OSBPL5: variants seen among roughly 807,000 people sequenced by gnomAD.
OSBPL5 encodes oxysterol-binding protein-related protein 5.
Under a neutral mutation model 111.2 loss-of-function variants are expected in OSBPL5, and 71 were observed. That is an observed-to-expected ratio of 0.64 (90% CI 0.53 to 0.78). The LOEUF is 0.78. Among genes scored for constraint, OSBPL5 ranks in the 30% least tolerant of loss-of-function variants. The pLI is 0.00. For missense variants in OSBPL5, 1,210 were observed against 1,189.3 expected, an observed-to-expected ratio of 1.02 and a Z score of -0.26; for synonymous variants, 549 against 513.9, an observed-to-expected ratio of 1.07 and a Z score of -0.93.
Position 3,120,405 on chromosome 11 carries a change from C to A in OSBPL5, c.606+16G>T, listed in dbSNP as rs760123356. 4 of 1,608,010 alleles carry A rather than the reference C, an allele frequency of 2.5e-6. No homozygotes were observed. The South Asian group carries it at 3.3e-5, about 13-fold the overall frequency. On this transcript the variant is annotated intron_variant, in intron 6 of 21. Coordinates refer to ENST00000263650, the MANE Select transcript of OSBPL5 (RefSeq NM_020896.4). ...CCTACGGGGCCTCTGTCTTCAACCC[C>A]ACCCCTCCGCAGCACCTTCACGGCC...
intron 14 of OSBPL5, among the ~76,000 whole-genome samples, chr11:3,098,023 A>G (rs192713051): frequency 0.021 from 3,175 of 152,212 alleles, 109 homozygotes; most frequent in African/African-American, 0.072. Context: ...AGCTGAGATC[A>G]TGCCATTGCA....
At chr11:3,136,298 C>G (rs1168661713) in intron 1 of OSBPL5, among the ~76,000 whole-genome samples, 1 of 152,258 alleles carries the variant, frequency 6.6e-6, no homozygotes, top group Admixed American at 6.5e-5. Context: ...CCCCCTGCCT[C>G]CCAGACGCTC....
intron 10 of OSBPL5, among the ~76,000 whole-genome samples, chr11:3,103,798 CTG>C (rs1857572127): frequency 2.2e-5 from 1 of 45,358 alleles, no homozygotes; most frequent in Non-Finnish European, 6.0e-5. Flanking sequence ...CTTCCTGCCT[CTG>C]CAGCCCTCTT....
chr11:3,138,600 C>T (rs958186177), intron 1 of OSBPL5, among the ~76,000 whole-genome samples: 2 of 152,232 alleles, frequency 1.3e-5, no homozygotes, highest in Non-Finnish European at 2.9e-5. Flanking sequence ...CACTCACTTC[C>T]AGAAAAGACG....
At position 3,089,930 on chromosome 11, in the gene OSBPL5, G is replaced by A. The variant is rs746291168; in HGVS notation, c.2417C>T (p.Pro806Leu). 6.4e-7 allele frequency: 1 copy of A among 1,558,370 alleles called. No homozygotes were observed. The highest frequency in any genetic ancestry group is 1.2e-5 in the South Asian group (1 of 84,638). ...DFVPGGESPC[P>L]RCRKEARRLQ... ...CCGCCGCGCCTCCTTCCTGCACCGAGGGCATGGGCTCTCACCGCCTGGGAC... is the reference window on the plus strand; with the variant it reads ...CCGCCGCGCCTCCTTCCTGCACCGAAGGCATGGGCTCTCACCGCCTGGGAC... The change falls in exon 21 of 22, where the codon CCT (proline) becomes CTT (leucine). Residue 806 changes from proline to leucine, a missense_variant. Transcript: ENST00000263650.
rs907431268 is a variant in OSBPL5, at chr11:3,102,206, G to T, written c.1402C>A (p.Arg468Ser). 1 of 1,607,524 alleles carries T rather than the reference G, an allele frequency of 6.2e-7. No homozygotes were observed. Among genetic ancestry groups the T allele is most frequent in the Admixed American group, 1.7e-5 (1 of 58,856 alleles). ...CCWFHPQTDS[R>S]TFYIAEQVSH... ...GCCTGCTCTGCTATGTAGAATGTGC[G>T]GCTGTCAGTCTGCGGGTGGAACCAG... Residue 468 changes from arginine to serine, a missense_variant, in exon 12 of 22, where the codon CGC becomes AGC. Coordinates refer to ENST00000263650, the MANE Select transcript of OSBPL5 (RefSeq NM_020896.4).
Position 3,103,795 on chromosome 11 carries a change from CCT to C in OSBPL5, c.1244+396_1244+397del, listed in dbSNP as rs1373434600. On this transcript the variant is annotated intron_variant, in intron 10 of 21. Transcript: ENST00000263650. ...TTCCAGCCTCTGCAGTCCCTTCCTG[CCT>C]CTGCAGCCCTCTTCCTGCCTGCGCA... Among the ~76,000 whole-genome samples, 9 of 40,808 alleles carry C rather than the reference CCT, an allele frequency of 2.2e-4. 1 individual carries two copies. Among genetic ancestry groups the C allele is most frequent in the South Asian group, 7.8e-4 (1 of 1,276 alleles). 26.8% of individuals were successfully genotyped at this position (40,808 alleles called of 152,430 possible). A position where few individuals can be genotyped will look rare whatever the true frequency, so the allele number is the denominator to read the frequency against.
intron 12 of OSBPL5, 63 bp from the exon 13 acceptor site, chr11:3,101,762 C>A: frequency 2.2e-6 from 3 of 1,358,904 alleles, no homozygotes; most frequent in Non-Finnish European, 3.1e-6. Flanking sequence ...GAAGCGAGAG[C>A]CCAGCTTCCC....
In OSBPL5 at chr11:3,141,318, G is replaced by C. The variant is rs986330415; in HGVS notation, c.-21-12149C>G. ...CCTGCTCACCCGGGAACACACCCTC[G>C]GGTCCAGCATCCTCCCTGTGACTCT... On this transcript the variant is annotated intron_variant, in intron 1 of 21. Coordinates refer to ENST00000263650, the MANE Select transcript of OSBPL5 (RefSeq NM_020896.4). This position sits in a 1 kb window ranked among gnomAD's most constrained non-coding sequence, Gnocchi z 6.5. Among the ~76,000 whole-genome samples the C allele has an allele frequency of 6.6e-6, 1 of 152,076 alleles. No individual in the cohort carries two copies. Among genetic ancestry groups the C allele is most frequent in the Non-Finnish European group, 1.5e-5 (1 of 68,010 alleles).
Position 3,104,233 on chromosome 11 carries a change from T to A in OSBPL5, c.1204A>T (p.Lys402Ter). The part of the protein sequence containing the change: ...FVLEPRSFLN[K>*]LSDYYYHADL... Reference sequence around the variant, plus strand: ...GCGTGGTAGTAGTAGTCGGAGAGCTTGTTCAGGAAGGAGCGCGGCTCCAGT... The same window carrying A: ...GCGTGGTAGTAGTAGTCGGAGAGCTAGTTCAGGAAGGAGCGCGGCTCCAGT... Residue 402 changes from lysine to a stop codon, truncating the protein, a stop_gained, in exon 10 of 22, where the codon AAG becomes TAG. Transcript: ENST00000263650. LOFTEE classifies it high-confidence loss of function. The surrounding 1 kb of genome is among the most constrained non-coding windows in gnomAD (Gnocchi z 5.0). The A allele has an allele frequency of 6.2e-7, 1 of 1,612,736 alleles. No individual in the cohort carries two copies. Among genetic ancestry groups the A allele is most frequent in the Non-Finnish European group, 8.5e-7 (1 of 1,179,072 alleles).
At position 3,140,013 on chromosome 11, in the gene OSBPL5, G is replaced by T. The variant is rs1846057514; in HGVS notation, c.-21-10844C>A. ...CTGCTCTGAGAAGCCAGCCTCACAAGATCATTCATCGCAAGCTCTGGGCCC... is the reference window on the plus strand; with the variant it reads ...CTGCTCTGAGAAGCCAGCCTCACAATATCATTCATCGCAAGCTCTGGGCCC... On this transcript the variant is annotated intron_variant, in intron 1 of 21. Coordinates refer to ENST00000263650, the MANE Select transcript of OSBPL5 (RefSeq NM_020896.4). The surrounding 1 kb of genome is among the most constrained non-coding windows in gnomAD (Gnocchi z 4.5). Among the ~76,000 whole-genome samples the T allele has an allele frequency of 6.6e-6, 1 of 152,246 alleles. No individual in the cohort carries two copies. The highest frequency in any genetic ancestry group is 2.4e-5 in the African/African-American group (1 of 41,472).
chr11:3,162,808 CTT>C lies in OSBPL5; in HGVS notation c.-22+2406_-22+2407del, dbSNP rs1847005716. Among the ~76,000 whole-genome samples, 1 of 152,074 alleles carries C rather than the reference CTT, an allele frequency of 6.6e-6. No homozygotes were observed. Among genetic ancestry groups the C allele is most frequent in the Non-Finnish European group, 1.5e-5 (1 of 68,030 alleles). ...TGGCATCGAGAACAATATTCTTTTC[CTT>C]TGTGCCGGTCACAAGCAGCATGAGG... On this transcript the variant is annotated intron_variant, in intron 1 of 21. Transcript: ENST00000263650. The surrounding 1 kb of genome is among the most constrained non-coding windows in gnomAD (Gnocchi z 8.1).
intron 14 of OSBPL5, among the ~76,000 whole-genome samples, chr11:3,095,199 G>T (rs897083090): frequency 6.6e-6 from 1 of 151,748 alleles, no homozygotes; most frequent in African/African-American, 2.4e-5. Context: ...CTCTGATGGG[G>T]GGAGGTCTCC....
At chr11:3,095,665 T>C (rs918773477) in intron 14 of OSBPL5, among the ~76,000 whole-genome samples, 1 of 151,190 alleles carries the variant, frequency 6.6e-6, no homozygotes, top group East Asian at 1.9e-4. Context: ...CCAGTCACCT[T>C]TGGAAGACAG....
At chr11:3,132,008 G>T (rs9971450) in intron 1 of OSBPL5, among the ~76,000 whole-genome samples, 4 of 6,018 alleles carry the variant, frequency 6.6e-4, no homozygotes, top group South Asian at 4.0e-3. Context: ...CTCCCTTTCA[G>T]GCATCCATCC....
intron 13 of OSBPL5, 35 bp from the exon 14 acceptor site, chr11:3,100,291 C>A: frequency 1.3e-6 from 2 of 1,597,026 alleles, no homozygotes; most frequent in Non-Finnish European, 1.7e-6. Context: ...CCAGTGAGTG[C>A]GGACAGCCCT....
intron 1 of OSBPL5, among the ~76,000 whole-genome samples, chr11:3,137,286 C>A (rs1169288593): frequency 6.6e-6 from 1 of 152,224 alleles, no homozygotes; most frequent in Non-Finnish European, 1.5e-5. Context: ...GCAGCCTGAC[C>A]ACCCCTGCAG....
At chr11:3,101,822 A>C in intron 12 of OSBPL5, 123 bp from the exon 13 acceptor site, 1 of 809,174 alleles carries the variant, frequency 1.2e-6, no homozygotes, top group Non-Finnish European at 2.0e-6. Flanking sequence ...CCCCGATCCC[A>C]GGATTCGGGT....
rs776689855 is a variant in OSBPL5, at chr11:3,110,127, A to G, written c.692-2182T>C. ...AGCATGGATGTGGCATCTGACCACC[A>G]GGGGTGATGTGGCACCGAGACTCCA... On this transcript the variant is annotated intron_variant, in intron 7 of 21. Coordinates refer to ENST00000263650, the MANE Select transcript of OSBPL5 (RefSeq NM_020896.4). The surrounding 1 kb of genome is among the most constrained non-coding windows in gnomAD (Gnocchi z 5.3). Among the ~76,000 whole-genome samples, 5 of 152,206 alleles carry G rather than the reference A, an allele frequency of 3.3e-5. No individual in the cohort carries two copies. Among genetic ancestry groups the G allele is most frequent in the Non-Finnish European group, 7.3e-5 (5 of 68,032 alleles).
Sources: allele counts gnomAD v4.1 joint callset (sites outside exome capture counted in the v4.1 genomes callset), GRCh38; gene constraint gnomAD v4.1.1; non-coding constraint Gnocchi (gnomAD v3.1); transcripts MANE v1.5; gene names NCBI Gene and HGNC (gene_info 2026-07-23, HGNC 2026-07-21).